CGRRF1: variants seen among roughly 807,000 people sequenced by gnomAD.
CGRRF1 encodes the protein cell growth regulator with RING finger domain protein 1.
Under a neutral mutation model 37.2 loss-of-function variants are expected in CGRRF1, and 32 were observed. That is an observed-to-expected ratio of 0.86 (90% CI 0.65 to 1.16). CGRRF1 has a LOEUF of 1.16. Ranked by LOEUF, CGRRF1 falls within the 50% of genes most tolerant of loss-of-function variation. The pLI, the probability that CGRRF1 is intolerant of heterozygous loss-of-function variation, is 0.00. For missense variants in CGRRF1, 391 were observed against 382.6 expected, an observed-to-expected ratio of 1.02 and a Z score of -0.18; for synonymous variants, 141 against 140.3, an observed-to-expected ratio of 1.00 and a Z score of -0.04.
Position 54,512,918 on chromosome 14 carries a change from T to A in CGRRF1, c.104+2855T>A, listed in dbSNP as rs144918714. On this transcript the variant is annotated intron_variant, in intron 1 of 5. Transcript: ENST00000216420. The stretch of plus-strand genomic sequence containing the variant: ...TTTCTCTGTTCCCTTGTCCTAGGAG[T>A]GATAGCTGCTTCCTGCTGTTACTAC... Among the ~76,000 whole-genome samples, 1,176 of 152,310 alleles carry A rather than the reference T, an allele frequency of 7.7e-3. 18 individuals are homozygous for A. The highest frequency in any genetic ancestry group is 0.027 in the African/African-American group (1,140 of 41,564).
At chr14:54,516,334 T>G (rs372263383) in intron 1 of CGRRF1, among the ~76,000 whole-genome samples, 5 of 152,200 alleles carry the variant, frequency 3.3e-5, no homozygotes, top group South Asian at 2.1e-4. Context: ...GTTGTGCAAG[T>G]CTGTTGGTGA....
chr14:54,531,906 A>T (rs2032521531), intron 4 of CGRRF1, among the ~76,000 whole-genome samples: 1 of 152,228 alleles, frequency 6.6e-6, no homozygotes, highest in African/African-American at 2.4e-5. Context: ...TATTTAATAT[A>T]GATTATTCAT....
chr14:54,529,924 A>G (rs1357636534), intron 2 of CGRRF1, 125 bp from the exon 3 acceptor site: 3 of 667,766 alleles, frequency 4.5e-6, no homozygotes, highest in Non-Finnish European at 5.0e-6. Context: ...ATACCCTTTA[A>G]CAAGTTCTTT....
rs1451219942 is a variant in CGRRF1 at position 54,538,709 on chromosome 14, T to A, written c.*326T>A. 1 of 186,376 alleles carries A rather than the reference T, an allele frequency of 5.4e-6. No homozygotes were observed. Among genetic ancestry groups the A allele is most frequent in the African/African-American group, 2.4e-5 (1 of 42,526 alleles). 11.5% of individuals were successfully genotyped at this position (186,376 alleles called of 1,614,324 possible). ...CAATCCATTGAAAATTTGAGGAGGTTAAATTCTTAAGATCACTAAATGTTT... is the reference window on the plus strand; with the variant it reads ...CAATCCATTGAAAATTTGAGGAGGTAAAATTCTTAAGATCACTAAATGTTT... On this transcript the variant is annotated 3_prime_UTR_variant, in exon 6 of 6. Coordinates refer to ENST00000216420, the MANE Select transcript of CGRRF1 (RefSeq NM_006568.3).
At chr14:54,531,861 A>G (rs1308046045) in intron 4 of CGRRF1, among the ~76,000 whole-genome samples, 2 of 152,186 alleles carry the variant, frequency 1.3e-5, no homozygotes, top group Admixed American at 6.5e-5. Context: ...TCATGGTAAA[A>G]ATGTCCTTAC....
At chr14:54,510,228 T>C (rs2032107370) in intron 1 of CGRRF1, 165 bp downstream of exon 1, 2 of 608,872 alleles carry the variant, frequency 3.3e-6, no homozygotes, top group Non-Finnish European at 2.9e-6. Flanking sequence ...GAAAACAAGG[T>C]GGACGCTGCA....
chr14:54,512,544 C>A (rs946909363), intron 1 of CGRRF1, among the ~76,000 whole-genome samples: 18 of 152,232 alleles, frequency 1.2e-4, no homozygotes, highest in African/African-American at 4.3e-4. Flanking sequence ...TCATACCACC[C>A]TCTGCTTTGT....
intron 1 of CGRRF1, among the ~76,000 whole-genome samples, chr14:54,520,518 A>G (rs1299732208): frequency 6.6e-6 from 1 of 152,146 alleles, no homozygotes; most frequent in Admixed American, 6.5e-5. Flanking sequence ...AAGATACTGA[A>G]CGTTACCGTC....
intron 2 of CGRRF1, among the ~76,000 whole-genome samples, chr14:54,525,680 A>C (rs2032399664): frequency 6.6e-6 from 1 of 152,252 alleles, no homozygotes; most frequent in Non-Finnish European, 1.5e-5. Flanking sequence ...TATTTGTGAC[A>C]TTTAAAAAAG....
At chr14:54,533,862 G>A (rs1214350855) in intron 4 of CGRRF1, among the ~76,000 whole-genome samples, 5 of 151,692 alleles carry the variant, frequency 3.3e-5, no homozygotes, top group Admixed American at 2.6e-4. Context: ...GTGTAGATAA[G>A]CCAAAAGGAG....
At chr14:54,512,362 C>T (rs1027929870) in intron 1 of CGRRF1, among the ~76,000 whole-genome samples, 1 of 152,206 alleles carries the variant, frequency 6.6e-6, no homozygotes, top group African/African-American at 2.4e-5. Flanking sequence ...ATTTTTCTTT[C>T]ACCATGTGGT....
intron 5 of CGRRF1, 84 bp from the exon 6 acceptor site, chr14:54,537,979 T>C (rs942970204): frequency 2.0e-5 from 29 of 1,464,492 alleles, no homozygotes; most frequent in Non-Finnish European, 2.3e-5. Flanking sequence ...AGCTCATAAA[T>C]TTTAAGCCGC....
intron 1 of CGRRF1, among the ~76,000 whole-genome samples, chr14:54,519,140 T>G (rs1165956926): frequency 6.6e-6 from 1 of 151,940 alleles, no homozygotes. Context: ...GAGACGGGGT[T>G]TCTCCATGTT....
intron 2 of CGRRF1, among the ~76,000 whole-genome samples, chr14:54,527,332 T>C (rs1056955001): frequency 6.6e-6 from 1 of 152,170 alleles, no homozygotes; most frequent in Admixed American, 6.5e-5. Flanking sequence ...GACAAGTTTG[T>C]AAAAGATTAT....
At chr14:54,513,225 G>A (rs1418163926) in intron 1 of CGRRF1, among the ~76,000 whole-genome samples, 2 of 152,152 alleles carry the variant, frequency 1.3e-5, no homozygotes, top group Admixed American at 6.5e-5. Context: ...TTTGCCAATG[G>A]GAAATAATCT....
At chr14:54,531,327 G>A (rs2032511545) in intron 4 of CGRRF1, among the ~76,000 whole-genome samples, 1 of 151,572 alleles carries the variant, frequency 6.6e-6, no homozygotes, top group South Asian at 2.1e-4. Context: ...CTATTTGGTT[G>A]TATACACCTA....
At chr14:54,515,612 A>C (rs957539665) in intron 1 of CGRRF1, among the ~76,000 whole-genome samples, 1 of 152,156 alleles carries the variant, frequency 6.6e-6, no homozygotes, top group Non-Finnish European at 1.5e-5. Context: ...GTACATAAAC[A>C]TTTAGGATTA....
Position 54,512,997 on chromosome 14 carries a change from A to G in CGRRF1, c.104+2934A>G, listed in dbSNP as rs138767747. On this transcript the variant is annotated intron_variant, in intron 1 of 5. Coordinates refer to ENST00000216420, the MANE Select transcript of CGRRF1 (RefSeq NM_006568.3). ...CCTCTTTTTGCCTTTTCAGTTCTTC[A>G]ACATATGGTTAACATTTTTCATATG... 4.2e-3 allele frequency among the ~76,000 whole-genome samples: 636 copies of G among 152,248 alleles called. 7 individuals are homozygous for G. Among genetic ancestry groups the G allele is most frequent in the African/African-American group, 0.015 (610 of 41,554 alleles).
At position 54,509,940 on chromosome 14, in the gene CGRRF1, C is replaced by T. The variant is rs372448071; in HGVS notation, c.-20C>T. ...TGGGCTCCGCGGCTGGAGCCGGGCT[C>T]TACCCAGAGCAAGACCCTGATGGCT... On this transcript the variant is annotated 5_prime_UTR_variant, in exon 1 of 6. Transcript: ENST00000216420. 20 of 1,585,414 alleles carry T rather than the reference C, an allele frequency of 1.3e-5. No homozygotes were observed. The highest frequency in any genetic ancestry group is 6.7e-5 in the African/African-American group (5 of 74,312).
Sources: allele counts gnomAD v4.1 joint callset (sites outside exome capture counted in the v4.1 genomes callset), GRCh38; gene constraint gnomAD v4.1.1; transcripts MANE v1.5; gene names NCBI Gene and HGNC (gene_info 2026-07-23, HGNC 2026-07-21).